Variants in NDST1 observed in about 807,000 individuals in gnomAD.
The protein encoded by NDST1 is N-deacetylase and N-sulfotransferase 1.
Under a neutral mutation model 92.8 loss-of-function variants are expected in NDST1, and 35 were observed. The observed-to-expected ratio is 0.38, with a 90% CI of 0.29 to 0.50. The LOEUF is 0.50. Among genes scored for constraint, NDST1 ranks in the 20% least tolerant of loss-of-function variants. The pLI is 0.94. For missense variants in NDST1, 822 were observed against 1,182.7 expected (o/e 0.69, Z 4.47); for synonymous variants, 493 against 500.3 (o/e 0.99, Z 0.19).
rs574693118 is a variant in NDST1, at chr5:150,512,445, C to T, written c.-388+4219C>T. Among the ~76,000 whole-genome samples the T allele has an allele frequency of 2.6e-5, 4 of 152,320 alleles. No homozygotes were observed. The South Asian group carries it at 8.3e-4, about 32-fold the overall frequency. On this transcript the variant is annotated intron_variant, in intron 1 of 14. Coordinates refer to ENST00000261797, the MANE Select transcript of NDST1 (RefSeq NM_001543.5). ...AACCCTTGTGGAAAGGTCATGGTCG[C>T]CACTGCATTTTCAGTGCCTAGTGGC...
chr5:150,547,245 G>C (rs905723599), intron 11 of NDST1, among the ~76,000 whole-genome samples: 6 of 152,228 alleles, frequency 3.9e-5, no homozygotes, highest in African/African-American at 1.2e-4. Flanking sequence ...GATAGAAGGA[G>C]AAGGGAGACT....
At chr5:150,533,683 T>C (rs1360737749) in intron 4 of NDST1, among the ~76,000 whole-genome samples, 4 of 152,312 alleles carry the variant, frequency 2.6e-5, no homozygotes, top group Non-Finnish European at 1.5e-5. Flanking sequence ...AAACCATTTA[T>C]TCAATAATTC....
At chr5:150,516,585 G>A (rs185501840) in intron 1 of NDST1, among the ~76,000 whole-genome samples, 25 of 152,318 alleles carry the variant, frequency 1.6e-4, no homozygotes, top group Non-Finnish European at 2.8e-4. Flanking sequence ...CAGTCTGCAC[G>A]TGTAACCAGT....
intron 10 of NDST1, among the ~76,000 whole-genome samples, chr5:150,544,186 C>T (rs1466906575): frequency 6.6e-6 from 1 of 152,202 alleles, no homozygotes; most frequent in African/African-American, 2.4e-5. Flanking sequence ...TAATGTGGTG[C>T]GAAACCATAT....
At position 150,521,493 on chromosome 5, in the gene NDST1, G is replaced by A. The variant is rs145390254; in HGVS notation, c.239G>A (p.Arg80His). 3,405 of 1,613,898 alleles carry A rather than the reference G, an allele frequency of 2.1e-3. 4 individuals carry two copies. The highest frequency in any genetic ancestry group is 2.7e-3 in the Non-Finnish European group (3,188 of 1,180,006). The change falls in exon 2 of 15, where the codon CGC becomes CAC. Residue 80 changes from arginine (R) to histidine (H), a missense_variant. Coordinates refer to ENST00000261797, the MANE Select transcript of NDST1 (RefSeq NM_001543.5). This position sits in a 1 kb window ranked among gnomAD's most constrained non-coding sequence, Gnocchi z 5.9. ...LKPVQAATPSRTDPLVLVFVE... is the reference protein window; with the variant it reads ...LKPVQAATPSHTDPLVLVFVE... ...CCTGTGCAGGCAGCCACCCCTTCCC[G>A]CACAGACCCGTTGGTGCTGGTCTTT... is the stretch of plus-strand genomic sequence containing the variant.
Position 150,553,887 on chromosome 5 carries a change from T to A in NDST1, c.*555T>A. ...GAGGACTCCCAGCCTCCACATCTGGTTCCTACCTTCACATCTCACCCTCCC... is the reference window on the plus strand; with the variant it reads ...GAGGACTCCCAGCCTCCACATCTGGATCCTACCTTCACATCTCACCCTCCC... On this transcript the variant is annotated 3_prime_UTR_variant, in exon 15 of 15. Coordinates refer to ENST00000261797, the MANE Select transcript of NDST1 (RefSeq NM_001543.5). This position sits in a 1 kb window ranked among gnomAD's most constrained non-coding sequence, Gnocchi z 4.2. 2.3e-6 allele frequency: 1 copy of A among 428,112 alleles called. No homozygotes were observed. The highest frequency in any genetic ancestry group is 4.1e-6 in the Non-Finnish European group (1 of 242,754). 26.5% of individuals were successfully genotyped at this position (428,112 alleles called of 1,614,324 possible). A position where few individuals can be genotyped will look rare whatever the true frequency, so the allele number is the denominator to read the frequency against.
chr5:150,524,865 G>C (rs1391410441), intron 2 of NDST1, among the ~76,000 whole-genome samples: 1 of 152,196 alleles, frequency 6.6e-6, no homozygotes, highest in Non-Finnish European at 1.5e-5. Context: ...TTTGGATTTT[G>C]GAGCATTTTG....
chr5:150,517,024 TTTA>T (rs960146174), intron 1 of NDST1, among the ~76,000 whole-genome samples: 1 of 151,406 alleles, frequency 6.6e-6, no homozygotes, highest in African/African-American at 2.4e-5. Flanking sequence ...TGTGTATGGC[TTTA>T]TTGTTTAGAT....
chr5:150,532,313 T>C (rs1754780168), intron 3 of NDST1, among the ~76,000 whole-genome samples: 1 of 152,164 alleles, frequency 6.6e-6, no homozygotes, highest in African/African-American at 2.4e-5. Context: ...CTGTTTTACA[T>C]TTGATGAAAC....
chr5:150,547,034 A>C (rs1048940804), intron 11 of NDST1, among the ~76,000 whole-genome samples: 2 of 152,214 alleles, frequency 1.3e-5, no homozygotes, highest in African/African-American at 4.8e-5. Flanking sequence ...CCTGTTCTGC[A>C]CTGACACTGC....
chr5:150,554,022 T>A lies in NDST1; in HGVS notation c.*690T>A. 1 of 407,784 alleles carries A rather than the reference T, an allele frequency of 2.5e-6. No homozygotes were observed. Among genetic ancestry groups the A allele is most frequent in the Non-Finnish European group, 4.3e-6 (1 of 230,522 alleles). 25.3% of individuals were successfully genotyped at this position (407,784 alleles called of 1,614,324 possible). On this transcript the variant is annotated 3_prime_UTR_variant, in exon 15 of 15. Coordinates refer to ENST00000261797, the MANE Select transcript of NDST1 (RefSeq NM_001543.5). Reference sequence around the variant, plus strand: ...CGGGCCCAGTTCTCCGGGCCCCACCTGCACCCCTTTCTTCCCCCTGGGATA... The same window carrying A: ...CGGGCCCAGTTCTCCGGGCCCCACCAGCACCCCTTTCTTCCCCCTGGGATA...
Position 150,521,164 on chromosome 5 carries a change from C to A in NDST1, c.-91C>A. 8.5e-7 allele frequency: 1 copy of A among 1,183,010 alleles called. No individual in the cohort carries two copies. Among genetic ancestry groups the A allele is most frequent in the South Asian group, 1.4e-5 (1 of 71,160 alleles). The allele number at this position is 1,183,010 out of a possible 1,614,324, so 73.3% of individuals were successfully genotyped here. On this transcript the variant is annotated 5_prime_UTR_variant, in exon 2 of 15. Coordinates refer to ENST00000261797, the MANE Select transcript of NDST1 (RefSeq NM_001543.5). This position sits in a 1 kb window ranked among gnomAD's most constrained non-coding sequence, Gnocchi z 5.9. ...CCTAAGTCTCTGTGAATTTGTTGGTCAGTGGACGATTCTCGTGTCTCCTCC... is the reference window on the plus strand; with the variant it reads ...CCTAAGTCTCTGTGAATTTGTTGGTAAGTGGACGATTCTCGTGTCTCCTCC...
chr5:150,530,557 A>ATTTTT (rs71589713), intron 3 of NDST1, among the ~76,000 whole-genome samples: 8 of 127,232 alleles, frequency 6.3e-5, no homozygotes, highest in South Asian at 2.4e-4. Context: ...CGTATTTTAA[A>ATTTTT]TTTTTTTTTT....
intron 1 of NDST1, among the ~76,000 whole-genome samples, chr5:150,502,302 A>G (rs950521718): frequency 6.6e-6 from 1 of 151,926 alleles, no homozygotes; most frequent in Non-Finnish European, 1.5e-5. Flanking sequence ...TTGGTTCTGG[A>G]TTTATTTTGC....
At chr5:150,535,991 G>C in intron 6 of NDST1, 106 bp downstream of exon 6, 1 of 1,365,002 alleles carries the variant, frequency 7.3e-7, no homozygotes, top group Non-Finnish European at 1.0e-6. Flanking sequence ...TGCTGGCTTA[G>C]GGGTTGCAGA....
In NDST1 at chr5:150,554,191, C is replaced by T. The variant is rs530172079; in HGVS notation, c.*859C>T. The T allele has an allele frequency of 6.8e-5, 27 of 398,756 alleles. No individual in the cohort carries two copies. The South Asian group carries it at 2.0e-3, about 30-fold the overall frequency. The allele number at this position is 398,756 out of a possible 1,614,324, so 24.7% of individuals were successfully genotyped here. On this transcript the variant is annotated 3_prime_UTR_variant, in exon 15 of 15. Coordinates refer to ENST00000261797, the MANE Select transcript of NDST1 (RefSeq NM_001543.5). The stretch of plus-strand genomic sequence containing the variant: ...GGCGAGCTGGTGAGACTGCCAGCCA[C>T]GGCTTTGCTTAGCCACCTGTGGCCG...
intron 9 of NDST1, 78 bp downstream of exon 9, chr5:150,541,744 C>A: frequency 7.5e-7 from 1 of 1,325,436 alleles, no homozygotes; most frequent in Non-Finnish European, 1.1e-6. Flanking sequence ...CTGCCTTGCC[C>A]TGGCCCCACT....
intron 9 of NDST1, among the ~76,000 whole-genome samples, chr5:150,541,881 A>G (rs1755264307): frequency 6.6e-6 from 1 of 152,206 alleles, no homozygotes. Flanking sequence ...ATCCTGAACC[A>G]TAGCCTCAGG....
intron 12 of NDST1, among the ~76,000 whole-genome samples, chr5:150,548,771 C>T (rs1755600499): frequency 6.6e-6 from 1 of 151,808 alleles, no homozygotes; most frequent in African/African-American, 2.4e-5. Flanking sequence ...TGGGCTCAAG[C>T]AGTCCTCCCT....
Sources: gnomAD v4.1 joint callset for allele counts (sites outside exome capture counted in the v4.1 genomes callset) on GRCh38, gnomAD v4.1.1 for gene constraint, Gnocchi (gnomAD v3.1) non-coding constraint, MANE v1.5 for transcripts, NCBI Gene and HGNC (gene_info 2026-07-23, HGNC 2026-07-21) for gene names.